POU2AF1: variants seen among roughly 807,000 people sequenced by gnomAD.
POU2AF1 encodes POU class 2 homeobox associating factor 1, also known as POU domain class 2-associating factor 1.
A neutral mutation model predicts 26.3 loss-of-function variants in POU2AF1; 12 were observed. That is an observed-to-expected ratio of 0.46 (90% CI 0.29 to 0.74). The LOEUF (loss-of-function observed/expected upper bound fraction) is 0.74, where lower values mean the gene tolerates loss of function less well. Among genes scored for constraint, POU2AF1 ranks in the 30% least tolerant of loss-of-function variants. The pLI is 0.09. For missense variants in POU2AF1, 297 were observed against 334.5 expected (o/e 0.89, Z 0.87); for synonymous variants, 175 against 148.0 (o/e 1.18, Z -1.32).
intron 2 of POU2AF1, among the ~76,000 whole-genome samples, chr11:111,358,040 G>A (rs1052424488): frequency 6.6e-5 from 10 of 152,048 alleles, no homozygotes; most frequent in African/African-American, 2.2e-4. Flanking sequence ...AAGTCTGTGC[G>A]CTCAGGGAGC....
At chr11:111,375,390 CTTTTT>C (rs869115956) in intron 1 of POU2AF1, among the ~76,000 whole-genome samples, 2 of 79,488 alleles carry the variant, frequency 2.5e-5, no homozygotes, top group African/African-American at 1.0e-4. Flanking sequence ...TACTGAGTAT[CTTTTT>C]TTTTTTTTTT....
At chr11:111,355,037 C>G (rs764234002) in intron 4 of POU2AF1, among the ~76,000 whole-genome samples, 6 of 152,158 alleles carry the variant, frequency 3.9e-5, no homozygotes, top group Non-Finnish European at 8.8e-5. Flanking sequence ...ACTGTCCTGC[C>G]CAGACACAAA....
intron 4 of POU2AF1, among the ~76,000 whole-genome samples, chr11:111,355,365 C>T (rs1024442586): frequency 2.0e-5 from 3 of 152,248 alleles, no homozygotes; most frequent in Non-Finnish European, 4.4e-5. Context: ...ACTGCCCTCA[C>T]AAACCTCAGA....
intron 1 of POU2AF1, among the ~76,000 whole-genome samples, chr11:111,371,488 G>T (rs775953114): frequency 2.6e-5 from 4 of 152,000 alleles, no homozygotes; most frequent in Non-Finnish European, 1.5e-5. Flanking sequence ...TTACAAGGTC[G>T]GTAGGAAAAT....
chr11:111,368,376 G>A (rs572951836), intron 1 of POU2AF1, among the ~76,000 whole-genome samples: 1 of 152,286 alleles, frequency 6.6e-6, no homozygotes, highest in African/African-American at 2.4e-5. Flanking sequence ...CTAAGTGGCA[G>A]GTCCTGAGTG....
rs1860803158 is a variant in POU2AF1, at chr11:111,354,463, G to T, written c.569C>A (p.Thr190Asn). ...TGGGGCCGGAGGCTGGTACTGCAGGGTGGAGGTGGGTAGTGTGGAAAGGGG... is the reference window on the plus strand; with the variant it reads ...TGGGGCCGGAGGCTGGTACTGCAGGTTGGAGGTGGGTAGTGTGGAAAGGGG... Reference protein sequence around the residue: ...PQPLSTLPTSTLQYQPPAPAL... With the variant: ...PQPLSTLPTSNLQYQPPAPAL... Residue 190 changes from threonine (T) to asparagine (N), a missense_variant, in exon 5 of 5, where the codon ACC (threonine) becomes AAC (asparagine). Coordinates refer to ENST00000393067, the MANE Select transcript of POU2AF1 (RefSeq NM_006235.3). 1 of 1,612,806 alleles carries T rather than the reference G, an allele frequency of 6.2e-7. No homozygotes were observed. Among genetic ancestry groups the T allele is most frequent in the Non-Finnish European group, 8.5e-7 (1 of 1,179,586 alleles).
chr11:111,374,980 G>A (rs1861280715), intron 1 of POU2AF1, among the ~76,000 whole-genome samples: 1 of 152,164 alleles, frequency 6.6e-6, no homozygotes, highest in Non-Finnish European at 1.5e-5. Context: ...CTATGTTGAT[G>A]AGAATTTTAA....
intron 1 of POU2AF1, among the ~76,000 whole-genome samples, chr11:111,360,942 CAAAA>C (rs200008065): frequency 3.5e-5 from 3 of 86,734 alleles, no homozygotes; most frequent in East Asian, 3.4e-4. Flanking sequence ...GACTCTGTCT[CAAAA>C]AAAAAAAAAA....
intron 4 of POU2AF1, among the ~76,000 whole-genome samples, chr11:111,356,434 C>G (rs1860847236): frequency 6.6e-6 from 1 of 152,156 alleles, no homozygotes; most frequent in African/African-American, 2.4e-5. Flanking sequence ...ACACTGGACC[C>G]TGGAGGGAAA....
Position 111,354,133 on chromosome 11 carries a change from A to G in POU2AF1, c.*128T>C. On this transcript the variant is annotated 3_prime_UTR_variant, in exon 5 of 5. Coordinates refer to ENST00000393067, the MANE Select transcript of POU2AF1 (RefSeq NM_006235.3). Reference sequence around the variant, plus strand: ...AGGGAAGGAAGGTTTACAGGTCTACAATTCTAGCTGTGCGTAGAAAGTGTA... The same window carrying G: ...AGGGAAGGAAGGTTTACAGGTCTACGATTCTAGCTGTGCGTAGAAAGTGTA... The G allele has an allele frequency of 9.8e-7, 1 of 1,025,030 alleles. No homozygotes were observed. The highest frequency in any genetic ancestry group is 1.4e-6 in the Non-Finnish European group (1 of 708,180). 63.5% of individuals were successfully genotyped at this position (1,025,030 alleles called of 1,614,324 possible). A position where few individuals can be genotyped will look rare whatever the true frequency, so the allele number is the denominator to read the frequency against.
intron 1 of POU2AF1, among the ~76,000 whole-genome samples, chr11:111,377,095 A>G (rs1861322329): frequency 6.6e-6 from 1 of 152,004 alleles, no homozygotes; most frequent in African/African-American, 2.4e-5. Flanking sequence ...CCTTTAAAAA[A>G]TTTGGGGGAC....
chr11:111,357,932 T>C lies in POU2AF1; in HGVS notation c.148-95A>G, dbSNP rs1860884522. On this transcript the variant is annotated intron_variant, in intron 2 of 4. Coordinates refer to ENST00000393067, the MANE Select transcript of POU2AF1 (RefSeq NM_006235.3). The stretch of plus-strand genomic sequence containing the variant: ...CCCAGAGGGCCTCAGGGCAGGAGAA[T>C]AGAAGATAGGAATCTCTCTGGTTAG... 6 of 1,291,836 alleles carry C rather than the reference T, an allele frequency of 4.6e-6. No individual in the cohort carries two copies. The South Asian group carries it at 9.2e-5, about 20-fold the overall frequency. The allele number at this position is 1,291,836 out of a possible 1,614,324, so 80.0% of individuals were successfully genotyped here.
Position 111,354,146 on chromosome 11 carries a change from C to A in POU2AF1, c.*115G>T, listed in dbSNP as rs1860792901. On this transcript the variant is annotated 3_prime_UTR_variant, in exon 5 of 5. Coordinates refer to ENST00000393067, the MANE Select transcript of POU2AF1 (RefSeq NM_006235.3). Reference sequence around the variant, plus strand: ...TTACAGGTCTACAATTCTAGCTGTGCGTAGAAAGTGTAGTCATGAAATGAC... The same window carrying A: ...TTACAGGTCTACAATTCTAGCTGTGAGTAGAAAGTGTAGTCATGAAATGAC... 3 of 1,137,766 alleles carry A rather than the reference C, an allele frequency of 2.6e-6. No homozygotes were observed. The highest frequency in any genetic ancestry group is 3.8e-6 in the Non-Finnish European group (3 of 797,520). 70.5% of individuals were successfully genotyped at this position (1,137,766 alleles called of 1,614,324 possible).
chr11:111,355,859 C>T (rs1176144854), intron 4 of POU2AF1, among the ~76,000 whole-genome samples: 1 of 152,194 alleles, frequency 6.6e-6, no homozygotes, highest in East Asian at 1.9e-4. Context: ...CAGTGGTCCC[C>T]ATCCCAGTGT....
At chr11:111,355,768 G>C (rs1860832733) in intron 4 of POU2AF1, among the ~76,000 whole-genome samples, 1 of 152,188 alleles carries the variant, frequency 6.6e-6, no homozygotes, top group South Asian at 2.1e-4. Context: ...AATGGTCTCA[G>C]AGGCCTTCCA....
Position 111,354,119 on chromosome 11 carries a change from G to T in POU2AF1, c.*142C>A. 3 of 883,720 alleles carry T rather than the reference G, an allele frequency of 3.4e-6. No homozygotes were observed. The highest frequency in any genetic ancestry group is 2.9e-5 in the East Asian group (1 of 34,706). The allele number at this position is 883,720 out of a possible 1,614,324, so 54.7% of individuals were successfully genotyped here. On this transcript the variant is annotated 3_prime_UTR_variant, in exon 5 of 5. Transcript: ENST00000393067. ...GAGGGGAAGGAAGAAGGGAAGGAAG[G>T]TTTACAGGTCTACAATTCTAGCTGT...
At chr11:111,379,002 G>A (rs532720085) in intron 1 of POU2AF1, among the ~76,000 whole-genome samples, 160 bp downstream of exon 1, 44 of 78,284 alleles carry the variant, frequency 5.6e-4, no homozygotes, top group Non-Finnish European at 6.2e-4. Flanking sequence ...GCTCCATCCC[G>A]CCCACCTCCC....
chr11:111,379,097 A>G, intron 1 of POU2AF1, 65 bp downstream of exon 1: 2 of 1,543,982 alleles, frequency 1.3e-6, no homozygotes, highest in Non-Finnish European at 1.8e-6. Context: ...ATTCCAGACC[A>G]AGCTGTGATC....
chr11:111,374,306 C>A (rs1050649482), intron 1 of POU2AF1, among the ~76,000 whole-genome samples: 2 of 152,090 alleles, frequency 1.3e-5, no homozygotes, highest in South Asian at 4.1e-4. Context: ...CCAATTAAAT[C>A]TGTGTATTTG....
Sources: gnomAD v4.1 joint callset for allele counts (sites outside exome capture counted in the v4.1 genomes callset) on GRCh38, gnomAD v4.1.1 for gene constraint, MANE v1.5 for transcripts, NCBI Gene and HGNC (gene_info 2026-07-23, HGNC 2026-07-21) for gene names.